The following BRWD3 variants were observed in gnomAD, a reference collection of about 807,000 sequenced individuals.
BRWD3 encodes the protein bromodomain and WD repeat-containing protein 3.
BRWD3 carries 10 observed loss-of-function variants against 149.7 expected under a neutral mutation model. That is an observed-to-expected ratio of 0.07 (90% CI 0.04 to 0.11). The LOEUF (loss-of-function observed/expected upper bound fraction) is 0.11, where lower values mean the gene tolerates loss of function less well. Ranked by LOEUF, BRWD3 falls within the 10% of genes least tolerant of loss-of-function variation. The pLI is 1.00. For synonymous variants in BRWD3, 504 were observed against 456.7 expected, an observed-to-expected ratio of 1.10 and a Z score of -1.32; for missense variants, 940 against 1,373.2, an observed-to-expected ratio of 0.68 and a Z score of 4.99.
chrX:80,730,172 A>C lies in BRWD3; in HGVS notation c.1128-152T>G, dbSNP rs11797881. 79,594 of 452,987 alleles carry C rather than the reference A, an allele frequency of 0.18. 5,114 individuals are homozygous for C. The highest frequency in any genetic ancestry group is 0.46 in the South Asian group (14,781 of 32,083). 37.3% of individuals were successfully genotyped at this position (452,987 alleles called of 1,213,427 possible). A position where few individuals can be genotyped will look rare whatever the true frequency, so the allele number is the denominator to read the frequency against. ...GAAAACAGCTTGGCAGTTCTTCAAA[A>C]TGTTAAACATAGAGTTATCATATGA... On this transcript the variant is annotated intron_variant, in intron 12 of 40. Coordinates refer to ENST00000373275, the MANE Select transcript of BRWD3 (RefSeq NM_153252.5).
At chrX:80,716,533 C>T (rs1375479833) in intron 19 of BRWD3, among the ~76,000 whole-genome samples, 3 of 111,910 alleles carry the variant, frequency 2.7e-5, no homozygotes, top group African/African-American at 9.7e-5. Context: ...TTGTATGTCT[C>T]TATGAATTTG....
intron 8 of BRWD3, among the ~76,000 whole-genome samples, chrX:80,739,778 T>C (rs2073457649): frequency 9.0e-6 from 1 of 111,147 alleles, no homozygotes; most frequent in Non-Finnish European, 1.9e-5. Flanking sequence ...AATTAACAAA[T>C]AATACCTAAT....
intron 6 of BRWD3, among the ~76,000 whole-genome samples, chrX:80,785,455 C>G (rs1228250922): frequency 4.5e-5 from 5 of 111,970 alleles, no homozygotes; most frequent in Non-Finnish European, 5.6e-5. Flanking sequence ...AGAATAGAAT[C>G]TGGGAATTAA....
At position 80,693,039 on chromosome X, in the gene BRWD3, C is replaced by A; in HGVS notation, c.3164G>T (p.Arg1055Leu). 8.3e-7 allele frequency: 1 copy of A among 1,198,571 alleles called. No homozygotes were observed. The highest frequency in any genetic ancestry group is 1.1e-6 in the Non-Finnish European group (1 of 883,537). ...ERNWQIGDRF[R>L]SIIDDAWWFG... Reference sequence around the variant, plus strand: ...CCACCAGGCGTCATCTATTATACTGCGGAATCTATCACCTATAATGTTTTA... The same window carrying A: ...CCACCAGGCGTCATCTATTATACTGAGGAATCTATCACCTATAATGTTTTA... Residue 1055 changes from arginine (R) to leucine (L), a missense_variant, in exon 28 of 41, where the codon CGC (arginine) becomes CTC (leucine). Arg to Leu is a moderately radical substitution (Grantham distance 102, BLOSUM62 -2). Coordinates refer to ENST00000373275, the MANE Select transcript of BRWD3 (RefSeq NM_153252.5).
rs1017255446 is a variant in BRWD3, at chrX:80,724,795, T to A, written c.1521+138A>T. The A allele has an allele frequency of 3.3e-5, 23 of 706,833 alleles. No individual in the cohort carries two copies. The African/African-American group carries it at 4.6e-4, about 14-fold the overall frequency. The allele number at this position is 706,833 out of a possible 1,213,427, so 58.3% of individuals were successfully genotyped here. A position where few individuals can be genotyped will look rare whatever the true frequency, so the allele number is the denominator to read the frequency against. On this transcript the variant is annotated intron_variant, in intron 15 of 40. Transcript: ENST00000373275. ...ACTGGCCTTATTCTCAATTCTTGAG[T>A]TATTCTCTGAAATATTTAACCAATT...
At chrX:80,688,012 T>C in intron 34 of BRWD3, 57 bp downstream of exon 34, 1 of 958,699 alleles carries the variant, frequency 1.0e-6, no homozygotes, top group Non-Finnish European at 1.5e-6. Context: ...GTCTTAGGGA[T>C]CACTGACACA....
At chrX:80,738,258 C>T (rs2073432874) in intron 8 of BRWD3, among the ~76,000 whole-genome samples, 1 of 111,494 alleles carries the variant, frequency 9.0e-6, no homozygotes, top group African/African-American at 3.3e-5. Context: ...AATAAAAAAT[C>T]GTGTTATGGA....
chrX:80,748,458 C>T (rs2073623331), intron 6 of BRWD3, among the ~76,000 whole-genome samples: 1 of 111,988 alleles, frequency 8.9e-6, no homozygotes, highest in Admixed American at 9.5e-5. Flanking sequence ...GTTTGAAAAA[C>T]ATTAGTGTAA....
Position 80,696,858 on chromosome X carries a change from T to C in BRWD3, c.2949A>G (p.Gln983=), listed in dbSNP as rs1178330990. The C allele has an allele frequency of 4.2e-6, 5 of 1,193,589 alleles. No individual in the cohort carries two copies. Among genetic ancestry groups the C allele is most frequent in the Non-Finnish European group, 5.7e-6 (5 of 880,949 alleles). Residue 983 remains glutamine, a synonymous_variant, in exon 26 of 41, where the codon CAA becomes CAG. Transcript: ENST00000373275. ...QPWNKMDLRE[Q]EFVKIVGIKY... ...TGATTCCTACAATCTTAACAAACTCTTGCTCCTATTCATGAGAATACCAAT... is the reference window on the plus strand; with the variant it reads ...TGATTCCTACAATCTTAACAAACTCCTGCTCCTATTCATGAGAATACCAAT...
intron 20 of BRWD3, among the ~76,000 whole-genome samples, chrX:80,714,228 T>C (rs1309221427): frequency 2.1e-5 from 2 of 95,840 alleles, no homozygotes; most frequent in Non-Finnish European, 4.2e-5. Context: ...TCTTTTTTTT[T>C]TTTTTTTTTT....
chrX:80,735,838 TAAC>T lies in BRWD3; in HGVS notation c.914+147_914+149del, dbSNP rs10573264. 13,506 of 358,668 alleles carry T rather than the reference TAAC, an allele frequency of 0.038. 1,016 individuals carry two copies. Among genetic ancestry groups the T allele is most frequent in the African/African-American group, 0.22 (7,873 of 35,458 alleles). 29.6% of individuals were successfully genotyped at this position (358,668 alleles called of 1,213,427 possible). On this transcript the variant is annotated intron_variant, in intron 9 of 40. Coordinates refer to ENST00000373275, the MANE Select transcript of BRWD3 (RefSeq NM_153252.5). ...AAAAAAAAATTATCCTAAAATCTCT[TAAC>T]AACCTATTGAAGTAGGTATGGATAT...
chrX:80,728,045 G>C (rs1413128064), intron 14 of BRWD3, among the ~76,000 whole-genome samples: 1 of 111,857 alleles, frequency 8.9e-6, no homozygotes, highest in Non-Finnish European at 1.9e-5. Context: ...CCATGATATA[G>C]TATAAAGACA....
In BRWD3 at chrX:80,676,536, T is replaced by G. The variant is rs2072368985; in HGVS notation, c.*73A>C. ...GCAGAAGTCCCCACACAACTTGCTT[T>G]GTAGATTTCCTGGTAAATTCCCTGC... On this transcript the variant is annotated 3_prime_UTR_variant, in exon 41 of 41. Transcript: ENST00000373275. 5.2e-6 allele frequency: 6 copies of G among 1,152,390 alleles called. No individual in the cohort carries two copies. Among genetic ancestry groups the G allele is most frequent in the Non-Finnish European group, 7.1e-6 (6 of 849,036 alleles). 95.0% of individuals were successfully genotyped at this position (1,152,390 alleles called of 1,213,427 possible).
At position 80,674,207 on chromosome X, in the gene BRWD3, G is replaced by A. The variant is rs1340124483; in HGVS notation, c.*2402C>T. Reference sequence around the variant, plus strand: ...AATGCTGTTCACTAATATTTTCACAGTATTTCACTACATATAAAATATGCT... The same window carrying A: ...AATGCTGTTCACTAATATTTTCACAATATTTCACTACATATAAAATATGCT... On this transcript the variant is annotated 3_prime_UTR_variant, in exon 41 of 41. Transcript: ENST00000373275. The A allele has an allele frequency of 1.8e-5, 2 of 111,397 alleles. No homozygotes were observed. The highest frequency in any genetic ancestry group is 6.5e-5 in the African/African-American group (2 of 30,718). 9.2% of individuals were successfully genotyped at this position (111,397 alleles called of 1,213,427 possible).
rs372073630 is a variant in BRWD3 at position 80,745,742 on chromosome X, C to T, written c.431-13G>A. The T allele has an allele frequency of 3.1e-5, 37 of 1,183,680 alleles. No homozygotes were observed. Among genetic ancestry groups the T allele is most frequent in the Admixed American group, 1.6e-4 (7 of 44,275 alleles). On this transcript the variant is annotated splice_polypyrimidine_tract_variant and intron_variant, in intron 6 of 40. Coordinates refer to ENST00000373275, the MANE Select transcript of BRWD3 (RefSeq NM_153252.5). ...GAGGTGATATTCACTGAAAAAAATA[C>T]GAAATTAACTTAAAACTTAAAAGTG...
intron 6 of BRWD3, among the ~76,000 whole-genome samples, chrX:80,771,818 G>A (rs1270791753): frequency 8.9e-6 from 1 of 111,798 alleles, no homozygotes; most frequent in Non-Finnish European, 1.9e-5. Flanking sequence ...GATATGAACA[G>A]ACACTTCTCA....
chrX:80,740,842 G>A (rs6622362), intron 8 of BRWD3, among the ~76,000 whole-genome samples: 8,529 of 111,666 alleles, frequency 0.076, 661 homozygotes, highest in African/African-American at 0.23. Context: ...TACTAACTCT[G>A]ACTGGCAAAC....
At chrX:80,736,109 ATTCAAAT>A in intron 8 of BRWD3, 21 bp from the exon 9 acceptor site, 1 of 1,043,208 alleles carries the variant, frequency 9.6e-7, no homozygotes, top group Non-Finnish European at 1.3e-6. Flanking sequence ...AAAAAATCTG[ATTCAAAT>A]AAAAAGTTTT....
intron 22 of BRWD3, 138 bp from the exon 23 acceptor site, chrX:80,704,984 T>C (rs1346897506): frequency 3.2e-6 from 2 of 631,510 alleles, no homozygotes; most frequent in African/African-American, 4.5e-5. Context: ...AGAAAAAATA[T>C]CATCCAGGCA....
Sources: gnomAD v4.1 joint callset for allele counts (sites outside exome capture counted in the v4.1 genomes callset) on GRCh38, gnomAD v4.1.1 for gene constraint, MANE v1.5 for transcripts, NCBI Gene and HGNC (gene_info 2026-07-23, HGNC 2026-07-21) for gene names.